The following SUMF1 variants were observed in gnomAD, a reference collection of about 807,000 sequenced individuals.
The protein encoded by SUMF1 is sulfatase modifying factor 1, also known as formylglycine-generating enzyme.
SUMF1 carries 48 observed loss-of-function variants against 47.6 expected under a neutral mutation model. The ratio of observed to expected loss-of-function variants is 1.01; its 90% CI spans 0.80 to 1.28. The LOEUF is 1.28. SUMF1 is among the 50% of genes most tolerant of loss of function. The probability of loss-of-function intolerance (pLI) is 0.00; values close to 1 mark genes in which losing one functional copy is unlikely to be tolerated. For synonymous variants in SUMF1, 230 were observed against 192.1 expected (o/e 1.20, Z -1.63); for missense variants, 571 against 485.4 (o/e 1.18, Z -1.66).
chr3:4,460,238 G>A (rs2079773379), intron 1 of SUMF1, among the ~76,000 whole-genome samples: 1 of 152,198 alleles, frequency 6.6e-6, no homozygotes, highest in African/African-American at 2.4e-5. Context: ...TATAAGAAAT[G>A]CATGCAGTGG....
chr3:4,166,986 C>T (rs912045838), intron 8 of SUMF1, among the ~76,000 whole-genome samples: 2 of 152,070 alleles, frequency 1.3e-5, no homozygotes, highest in Admixed American at 6.6e-5. Context: ...GATGTTTAGC[C>T]TCCGAATTCT....
intron 9 of SUMF1, among the ~76,000 whole-genome samples, chr3:4,056,949 T>G (rs1362421472): frequency 6.6e-6 from 1 of 151,920 alleles, no homozygotes; most frequent in Non-Finnish European, 1.5e-5. Context: ...GGTTTCACCA[T>G]GTTAGCCAGG....
chr3:4,220,504 TTTTCA>T (rs1485972966), intron 8 of SUMF1, among the ~76,000 whole-genome samples: 1 of 152,088 alleles, frequency 6.6e-6, no homozygotes, highest in Non-Finnish European at 1.5e-5. Context: ...ACGGTTTTCA[TTTTCA>T]TTTGTTTCCT....
intron 8 of SUMF1, among the ~76,000 whole-genome samples, chr3:4,366,485 C>A (rs1699962119): frequency 6.6e-6 from 1 of 151,330 alleles, no homozygotes; most frequent in Non-Finnish European, 1.5e-5. Flanking sequence ...ATCACTGATA[C>A]CCTTTCTTCC....
At chr3:4,201,706 G>T (rs1695543947) in intron 8 of SUMF1, among the ~76,000 whole-genome samples, 1 of 151,946 alleles carries the variant, frequency 6.6e-6, no homozygotes, top group Admixed American at 6.6e-5. Context: ...TTAGTTTTTT[G>T]AGGAACTTCC....
intron 8 of SUMF1, among the ~76,000 whole-genome samples, chr3:4,083,897 T>G (rs1263491985): frequency 6.6e-6 from 1 of 151,472 alleles, no homozygotes; most frequent in African/African-American, 2.4e-5. Flanking sequence ...GTTCACCAAA[T>G]GTTATCGTGT....
intron 8 of SUMF1, among the ~76,000 whole-genome samples, chr3:4,259,750 A>C (rs1697044736): frequency 2.0e-5 from 3 of 152,210 alleles, no homozygotes; most frequent in Admixed American, 1.3e-4. Context: ...GCAATTTTTA[A>C]AATAAATATA....
At chr3:4,267,356 G>C (rs1342184354) in intron 8 of SUMF1, among the ~76,000 whole-genome samples, 1 of 152,074 alleles carries the variant, frequency 6.6e-6, no homozygotes, top group East Asian at 1.9e-4. Flanking sequence ...ATCTGGTCCT[G>C]GACTCTATTT....
At chr3:4,118,599 C>T (rs1693472786) in intron 8 of SUMF1, among the ~76,000 whole-genome samples, 1 of 152,100 alleles carries the variant, frequency 6.6e-6, no homozygotes, top group African/African-American at 2.4e-5. Context: ...TCCACTTTGT[C>T]ACTTCTAATT....
At chr3:4,387,164 A>G (rs1559264820) in intron 7 of SUMF1, among the ~76,000 whole-genome samples, 2 of 152,004 alleles carry the variant, frequency 1.3e-5, no homozygotes, top group East Asian at 3.9e-4. Context: ...ATTGTGTAGA[A>G]TTGGTGTTGA....
intron 8 of SUMF1, among the ~76,000 whole-genome samples, chr3:4,224,296 G>A (rs1696128925): frequency 6.6e-6 from 1 of 152,124 alleles, no homozygotes; most frequent in Non-Finnish European, 1.5e-5. Context: ...ATCCTTCAAA[G>A]TGTCAACAGA....
chr3:4,088,502 TCAC>T lies in SUMF1; in HGVS notation c.1015-19760_1015-19758del, dbSNP rs750162320. On this transcript the variant is annotated intron_variant and NMD_transcript_variant, in intron 8 of 12. Transcript: ENST00000448413. ...TCCATTACCACAAACACCACTAATATCACCACGTCTCTACTTCTTCCCTCTCCT... is the reference window on the plus strand; with the variant it reads ...TCCATTACCACAAACACCACTAATATCACGTCTCTACTTCTTCCCTCTCCT... Among the ~76,000 whole-genome samples the T allele has an allele frequency of 9.9e-5, 15 of 152,202 alleles. 3 individuals carry two copies. Among genetic ancestry groups the T allele is most frequent in the Admixed American group, 6.5e-5 (1 of 15,274 alleles).
intron 8 of SUMF1, among the ~76,000 whole-genome samples, chr3:4,225,117 G>T (rs1488021241): frequency 6.6e-6 from 1 of 152,134 alleles, no homozygotes; most frequent in Non-Finnish European, 1.5e-5. Context: ...GAGAAAAAAG[G>T]AAAGGCCCTG....
intron 8 of SUMF1, among the ~76,000 whole-genome samples, chr3:4,374,222 G>T (rs1228358623): frequency 2.0e-5 from 3 of 152,146 alleles, no homozygotes; most frequent in Non-Finnish European, 1.5e-5. Context: ...AAGGGATCTA[G>T]ATTAAAAAGG....
intron 8 of SUMF1, among the ~76,000 whole-genome samples, chr3:4,231,548 G>C (rs1030401946): frequency 6.6e-6 from 1 of 152,170 alleles, no homozygotes; most frequent in African/African-American, 2.4e-5. Flanking sequence ...ATTTTGAAGA[G>C]CAGGTCACAG....
At chr3:4,303,497 C>G in intron 8 of SUMF1, 4 of 1,462,204 alleles carry the variant, frequency 2.7e-6, no homozygotes, top group Non-Finnish European at 3.6e-6. Context: ...GGGCGCGTGG[C>G]CCCCGGGGGC....
At chr3:4,084,490 C>G (rs561007831) in intron 8 of SUMF1, among the ~76,000 whole-genome samples, 1 of 152,188 alleles carries the variant, frequency 6.6e-6, no homozygotes, top group East Asian at 1.9e-4. Context: ...TTACATACAA[C>G]AAAACTTTCC....
chr3:4,233,610 A>T (rs953824717), intron 8 of SUMF1, among the ~76,000 whole-genome samples: 1 of 152,140 alleles, frequency 6.6e-6, no homozygotes, highest in African/African-American at 2.4e-5. Context: ...AAAATAAAGT[A>T]TTCAATTTAG....
At chr3:4,334,299 C>T (rs960752783) in intron 8 of SUMF1, among the ~76,000 whole-genome samples, 25 of 152,250 alleles carry the variant, frequency 1.6e-4, no homozygotes, top group Admixed American at 1.3e-3. Context: ...CTGGGACAAA[C>T]GGTTGATTTT....
Sources: allele counts gnomAD v4.1 joint callset (sites outside exome capture counted in the v4.1 genomes callset), GRCh38; gene constraint gnomAD v4.1.1; transcripts MANE v1.5; gene names NCBI Gene and HGNC (gene_info 2026-07-23, HGNC 2026-07-21).